DNAJB2: variants seen among roughly 807,000 people sequenced by gnomAD.
DNAJB2 encodes dnaJ homolog subfamily B member 2.
Under a neutral mutation model 33.3 loss-of-function variants are expected in DNAJB2, and 19 were observed. The ratio of observed to expected loss-of-function variants is 0.57; its 90% CI spans 0.40 to 0.84. The LOEUF (loss-of-function observed/expected upper bound fraction) is 0.84, where lower values mean the gene tolerates loss of function less well. DNAJB2 is among the 40% of genes least tolerant of loss of function. DNAJB2 has a pLI of 0.00. For synonymous variants in DNAJB2, 172 were observed against 164.6 expected (o/e 1.04, Z -0.34); for missense variants, 368 against 430.9 (o/e 0.85, Z 1.29).
At position 219,285,089 on chromosome 2, in the gene DNAJB2, A is replaced by G; in HGVS notation, c.*102A>G. On this transcript the variant is annotated 3_prime_UTR_variant, in exon 9 of 9. Coordinates refer to ENST00000336576, the MANE Select transcript of DNAJB2 (RefSeq NM_006736.6). Reference sequence around the variant, plus strand: ...TCCTGAGTTGTAGGAACTGCTTTCCAACTCCAAGCTCCCTCCACAAGTTTC... The same window carrying G: ...TCCTGAGTTGTAGGAACTGCTTTCCGACTCCAAGCTCCCTCCACAAGTTTC... 7.2e-7 allele frequency: 1 copy of G among 1,398,072 alleles called. No homozygotes were observed. Among genetic ancestry groups the G allele is most frequent in the South Asian group, 1.8e-5 (1 of 55,728 alleles). 86.6% of individuals were successfully genotyped at this position (1,398,072 alleles called of 1,614,324 possible). A position where few individuals can be genotyped will look rare whatever the true frequency, so the allele number is the denominator to read the frequency against.
At position 219,279,976 on chromosome 2, in the gene DNAJB2, G is replaced by C; in HGVS notation, c.65+78G>C. 1 of 1,523,018 alleles carries C rather than the reference G, an allele frequency of 6.6e-7. No individual in the cohort carries two copies. Among genetic ancestry groups the C allele is most frequent in the Non-Finnish European group, 9.1e-7 (1 of 1,104,378 alleles). The allele number at this position is 1,523,018 out of a possible 1,614,324, so 94.3% of individuals were successfully genotyped here. On this transcript the variant is annotated intron_variant, in intron 2 of 8. Transcript: ENST00000336576. The surrounding 1 kb of genome is among the most constrained non-coding windows in gnomAD (Gnocchi z 4.9). ...CATGGGGCACTTCAGAGTGACACCTGTAGGTGTCTGAGGGAACCAGGTCGT... is the reference window on the plus strand; with the variant it reads ...CATGGGGCACTTCAGAGTGACACCTCTAGGTGTCTGAGGGAACCAGGTCGT...
rs975587640 is a variant in DNAJB2 at position 219,286,270 on chromosome 2, T to C, written c.*1283T>C. ...GATAGATCCCGCTTGGGGGAGGTGG[T>C]GTATGGTTACGGAGCTGTGCATCTT... On this transcript the variant is annotated 3_prime_UTR_variant, in exon 9 of 9. Coordinates refer to ENST00000336576, the MANE Select transcript of DNAJB2 (RefSeq NM_006736.6). 6.2e-6 allele frequency: 3 copies of C among 482,004 alleles called. No homozygotes were observed. The highest frequency in any genetic ancestry group is 5.8e-5 in the African/African-American group (3 of 52,132). 29.9% of individuals were successfully genotyped at this position (482,004 alleles called of 1,614,324 possible).
intron 3 of DNAJB2, chr2:219,280,990 C>A: frequency 2.7e-6 from 1 of 370,098 alleles, no homozygotes; most frequent in Non-Finnish European, 4.9e-6. Context: ...TCCTATGAGG[C>A]AGGTTCTATC....
Position 219,280,603 on chromosome 2 carries a change from C to T in DNAJB2, c.91C>T (p.His31Tyr), listed in dbSNP as rs1574899458. The T allele has an allele frequency of 6.2e-7, 1 of 1,614,082 alleles. No individual in the cohort carries two copies. The highest frequency in any genetic ancestry group is 2.2e-5 in the East Asian group (1 of 44,890). ...KAYRRKALQW[H>Y]PDKNPDNKEF... is the part of the protein sequence containing the mutation. ...GTATCGGCGCAAGGCTCTCCAGTGG[C>T]ACCCAGACAAAAACCCAGATAATAA... is the stretch of plus-strand genomic sequence containing the variant. Residue 31 changes from histidine (H) to tyrosine (Y), a missense_variant, in exon 3 of 9, where the codon CAC becomes TAC. Coordinates refer to ENST00000336576, the MANE Select transcript of DNAJB2 (RefSeq NM_006736.6).
chr2:219,279,671 G>T lies in DNAJB2; in HGVS notation c.-36-127G>T. 1 of 695,858 alleles carries T rather than the reference G, an allele frequency of 1.4e-6. No individual in the cohort carries two copies. Among genetic ancestry groups the T allele is most frequent in the Non-Finnish European group, 2.4e-6 (1 of 421,742 alleles). The allele number at this position is 695,858 out of a possible 1,614,324, so 43.1% of individuals were successfully genotyped here. A position where few individuals can be genotyped will look rare whatever the true frequency, so the allele number is the denominator to read the frequency against. On this transcript the variant is annotated intron_variant, in intron 1 of 8. Coordinates refer to ENST00000336576, the MANE Select transcript of DNAJB2 (RefSeq NM_006736.6). This position sits in a 1 kb window ranked among gnomAD's most constrained non-coding sequence, Gnocchi z 4.9. ...GCTGCCGGAGGGAGCCTAGTCACCG[G>T]CCGCAAGCAGAGCCCGGTGTGCTCC...
chr2:219,285,620 G>A lies in DNAJB2; in HGVS notation c.*633G>A, dbSNP rs1332688270. ...TCCTTCCCCGAGAAGGCCTCAATGT[G>A]GCGAGGAAGATGCTGGGGCCGGTAG... is the stretch of plus-strand genomic sequence containing the variant. On this transcript the variant is annotated 3_prime_UTR_variant, in exon 9 of 9. Transcript: ENST00000336576. The A allele has an allele frequency of 1.8e-6, 2 of 1,096,208 alleles. No homozygotes were observed. Among genetic ancestry groups the A allele is most frequent in the Non-Finnish European group, 2.2e-6 (2 of 900,232 alleles). 67.9% of individuals were successfully genotyped at this position (1,096,208 alleles called of 1,614,324 possible). A position where few individuals can be genotyped will look rare whatever the true frequency, so the allele number is the denominator to read the frequency against.
In DNAJB2 at chr2:219,279,571, T is replaced by G; in HGVS notation, c.-37+53T>G. On this transcript the variant is annotated intron_variant, in intron 1 of 8. Transcript: ENST00000336576. This position sits in a 1 kb window ranked among gnomAD's most constrained non-coding sequence, Gnocchi z 4.9. Reference sequence around the variant, plus strand: ...GGGGCCCTGGATCGGACTGCTGGAGTTGGGGGGCCCCGATAGGGCTCCTGG... The same window carrying G: ...GGGGCCCTGGATCGGACTGCTGGAGGTGGGGGGCCCCGATAGGGCTCCTGG... 1 of 451,702 alleles carries G rather than the reference T, an allele frequency of 2.2e-6. No homozygotes were observed. Among genetic ancestry groups the G allele is most frequent in the Non-Finnish European group, 4.0e-6 (1 of 249,418 alleles). The allele number at this position is 451,702 out of a possible 1,614,324, so 28.0% of individuals were successfully genotyped here.
rs3731896 is a variant in DNAJB2, at chr2:219,281,680, C to T, written c.176-38C>T. On this transcript the variant is annotated intron_variant, in intron 3 of 8. Transcript: ENST00000336576. ...TCCTAGCCTGGGAGGGGAGCCCATC[C>T]CAGAGGGAGGGTGAAATGATCTGGT... 309,701 of 1,612,930 alleles carry T rather than the reference C, an allele frequency of 0.19. 34,875 individuals carry two copies. Among genetic ancestry groups the T allele is most frequent in the African/African-American group, 0.5 (37,683 of 74,868 alleles).
Position 219,284,708 on chromosome 2 carries a change from G to C in DNAJB2, c.696G>C (p.Gly232=), listed in dbSNP as rs1951937872. 1 of 1,612,766 alleles carries C rather than the reference G, an allele frequency of 6.2e-7. No homozygotes were observed. The highest frequency in any genetic ancestry group is 1.3e-5 in the African/African-American group (1 of 74,922). ...EQQPSVTSRS[G]GTQVQQTPAS... is the part of the protein sequence containing the mutation. ...AGCCGTCAGTCACTTCCAGGTCTGG[G>C]GGCACTCAGGTCCAGCAGACCCCTG... Residue 232 remains glycine, a synonymous_variant, in exon 9 of 9, where the codon GGG becomes GGC. Coordinates refer to ENST00000336576, the MANE Select transcript of DNAJB2 (RefSeq NM_006736.6).
In DNAJB2 at chr2:219,285,200, T is replaced by TG. The variant is rs1951944125; in HGVS notation, c.*219dup. ...GATAGGTCCCTGGTGAAGCCCAGGGTGGGGGGTGTCAGGGCAGTGGAGGGG... is the reference window on the plus strand; with the variant it reads ...GATAGGTCCCTGGTGAAGCCCAGGGTGGGGGGGTGTCAGGGCAGTGGAGGGG... On this transcript the variant is annotated 3_prime_UTR_variant, in exon 9 of 9. Coordinates refer to ENST00000336576, the MANE Select transcript of DNAJB2 (RefSeq NM_006736.6). 1.0e-5 allele frequency: 13 copies of TG among 1,250,842 alleles called. No homozygotes were observed. Among genetic ancestry groups the TG allele is most frequent in the Non-Finnish European group, 1.3e-5 (13 of 997,444 alleles). The allele number at this position is 1,250,842 out of a possible 1,614,324, so 77.5% of individuals were successfully genotyped here.
At position 219,280,564 on chromosome 2, in the gene DNAJB2, C is replaced by T. The variant is rs2276638; in HGVS notation, c.66-14C>T. 0.19 allele frequency: 306,913 copies of T among 1,606,996 alleles called. 34,076 individuals are homozygous for T. The highest frequency in any genetic ancestry group is 0.49 in the African/African-American group (36,384 of 74,718). On this transcript the variant is annotated splice_polypyrimidine_tract_variant and intron_variant, in intron 2 of 8. Transcript: ENST00000336576. ...TTGTCCCCCGACTCTCTCCTCTGCA[C>T]CCACTTTCTGCAGGTATCGGCGCAA...
intron 2 of DNAJB2, chr2:219,280,189 C>T: frequency 1.9e-6 from 1 of 536,180 alleles, no homozygotes; most frequent in Non-Finnish European, 3.3e-6. Flanking sequence ...CTCCCCTCCC[C>T]CTTCCCCCTA....
rs757055788 is a variant in DNAJB2 at position 219,283,232 on chromosome 2, G to A, written c.545G>A (p.Arg182His). ...TFVQGRRITT[R>H]RIMENGQERV... ...GTCCAAGGACGCCGCATCACCACAC[G>A]CAGGTGAGAGCTCCTTCTGGGGCCA... The change falls in exon 7 of 9, where the codon CGC becomes CAC. Residue 182 changes from arginine to histidine, a missense_variant. Arg to His is a conservative substitution (Grantham distance 29). Coordinates refer to ENST00000336576, the MANE Select transcript of DNAJB2 (RefSeq NM_006736.6). 6.8e-6 allele frequency: 11 copies of A among 1,614,048 alleles called. No homozygotes were observed. The South Asian group carries it at 7.7e-5, about 11-fold the overall frequency.
chr2:219,286,008 G>A lies in DNAJB2; in HGVS notation c.*1021G>A, dbSNP rs374712818. 7.1e-5 allele frequency: 115 copies of A among 1,612,812 alleles called. No homozygotes were observed. In the East Asian group the frequency reaches 8.5e-4, roughly 12 times the overall value. On this transcript the variant is annotated 3_prime_UTR_variant, in exon 9 of 9. Transcript: ENST00000336576. ...CCAGATGTGTTCTGAGCTGGATGCC[G>A]GGTTCCAGAATCGCTGCACAGTTCC... is the stretch of plus-strand genomic sequence containing the variant.
Position 219,285,205 on chromosome 2 carries a change from G to A in DNAJB2, c.*218G>A, listed in dbSNP as rs1559287768. ...GTCCCTGGTGAAGCCCAGGGTGGGG[G>A]GTGTCAGGGCAGTGGAGGGGCCCGA... On this transcript the variant is annotated 3_prime_UTR_variant, in exon 9 of 9. Coordinates refer to ENST00000336576, the MANE Select transcript of DNAJB2 (RefSeq NM_006736.6). 7.2e-6 allele frequency: 9 copies of A among 1,249,526 alleles called. No individual in the cohort carries two copies. The East Asian group carries it at 1.2e-4, about 17-fold the overall frequency. The allele number at this position is 1,249,526 out of a possible 1,614,324, so 77.4% of individuals were successfully genotyped here.
chr2:219,280,048 A>G (rs754824979), intron 2 of DNAJB2, 150 bp downstream of exon 2: 7 of 765,200 alleles, frequency 9.1e-6, no homozygotes, highest in Non-Finnish European at 1.5e-5. Context: ...GCAGGGAGGA[A>G]AGAGACCCCT....
rs151165500 is a variant in DNAJB2 at position 219,283,550 on chromosome 2, C to T, written c.619+61C>T. 299 of 1,524,588 alleles carry T rather than the reference C, an allele frequency of 2.0e-4. 2 individuals are homozygous for T. The African/African-American group carries it at 3.8e-3, about 19-fold the overall frequency. 94.4% of individuals were successfully genotyped at this position (1,524,588 alleles called of 1,614,324 possible). A position where few individuals can be genotyped will look rare whatever the true frequency, so the allele number is the denominator to read the frequency against. The stretch of plus-strand genomic sequence containing the variant: ...AAGCCCCAGCCCCAACCTCAGCAGC[C>T]TCCTCCCCAAACTGCTGCTCTCTGA... On this transcript the variant is annotated intron_variant, in intron 8 of 8. Coordinates refer to ENST00000336576, the MANE Select transcript of DNAJB2 (RefSeq NM_006736.6).
rs545093733 is a variant in DNAJB2, at chr2:219,282,478, G to A, written c.353-359G>A. ...GTGGGCAATTTTCTCCCCATTTGCA[G>A]ATGAGAAAACTGAGGCACAGTTAAT... On this transcript the variant is annotated intron_variant, in intron 5 of 8. Coordinates refer to ENST00000336576, the MANE Select transcript of DNAJB2 (RefSeq NM_006736.6). The A allele has an allele frequency of 1.7e-3, 592 of 353,368 alleles. 4 individuals carry two copies. Among genetic ancestry groups the A allele is most frequent in the Non-Finnish European group, 1.3e-3 (246 of 193,930 alleles). 21.9% of individuals were successfully genotyped at this position (353,368 alleles called of 1,614,324 possible).
chr2:219,281,064 G>A (rs952508866), intron 3 of DNAJB2: 4 of 234,414 alleles, frequency 1.7e-5, no homozygotes, highest in African/African-American at 4.5e-5. Context: ...TCAAGGCCAC[G>A]CAGAGCTGGA....
Sources: allele counts gnomAD v4.1 joint callset, GRCh38; gene constraint gnomAD v4.1.1; non-coding constraint Gnocchi (gnomAD v3.1); transcripts MANE v1.5; gene names NCBI Gene and HGNC (gene_info 2026-07-23, HGNC 2026-07-21).